Variants in ALX1 observed in about 807,000 individuals in gnomAD.
ALX1 encodes the protein ALX homeobox 1, also known as ALX homeobox protein 1.
ALX1 carries 19 observed loss-of-function variants against 31.7 expected under a neutral mutation model. The observed-to-expected ratio is 0.60, with a 90% CI of 0.42 to 0.88. The LOEUF is 0.88. ALX1 is among the 40% of genes least tolerant of loss of function. The pLI is 0.00. For synonymous variants in ALX1, 153 were observed against 148.8 expected (o/e 1.03, Z -0.20); for missense variants, 415 against 407.8 (o/e 1.02, Z -0.15).
At chr12:85,291,872 C>T (rs1896823277) in intron 3 of ALX1, among the ~76,000 whole-genome samples, 2 of 151,048 alleles carry the variant, frequency 1.3e-5, no homozygotes, top group African/African-American at 4.8e-5. Context: ...TGACTATGAG[C>T]TTTCCAGTCA....
chr12:85,297,487 A>G (rs148637766), intron 3 of ALX1, among the ~76,000 whole-genome samples: 249 of 151,830 alleles, frequency 1.6e-3, no homozygotes, highest in Non-Finnish European at 2.7e-3. Context: ...ATTCTACGTC[A>G]TTATAGGGCA....
chr12:85,286,309 C>A (rs1347262081), intron 2 of ALX1, among the ~76,000 whole-genome samples: 1 of 151,728 alleles, frequency 6.6e-6, no homozygotes, highest in African/African-American at 2.4e-5. Flanking sequence ...CCTGCTGCTG[C>A]CATATATTTA....
chr12:85,292,128 T>C (rs1896825875), intron 3 of ALX1, among the ~76,000 whole-genome samples: 1 of 151,184 alleles, frequency 6.6e-6, no homozygotes, highest in South Asian at 2.1e-4. Context: ...TGTTCTAAAG[T>C]ACCTGCCTCT....
rs749076205 is a variant in ALX1 at position 85,301,193 on chromosome 12, T to C, written c.699T>C (p.Gly233=). The change falls in exon 4 of 4, where the codon GGT becomes GGC. Residue 233 remains glycine (G), a synonymous_variant. Transcript: ENST00000316824. ...NNLWAGNASG[G]SVVTSCMLPR... is the part of the protein sequence containing the mutation. ...TGTGGGCAGGAAATGCAAGTGGTGG[T>C]TCTGTGGTTACTTCATGCATGTTAC... 4 of 1,613,904 alleles carry C rather than the reference T, an allele frequency of 2.5e-6. No homozygotes were observed. The African/African-American group carries it at 4.0e-5, about 16-fold the overall frequency.
chr12:85,295,836 T>G (rs1369682902), intron 3 of ALX1, among the ~76,000 whole-genome samples: 1 of 151,546 alleles, frequency 6.6e-6, no homozygotes, highest in Admixed American at 6.6e-5. Flanking sequence ...ATAAACTTAT[T>G]TTAGTAGAAA....
At chr12:85,295,705 T>C (rs183862102) in intron 3 of ALX1, among the ~76,000 whole-genome samples, 173 of 151,632 alleles carry the variant, frequency 1.1e-3, no homozygotes, top group African/African-American at 3.9e-3. Context: ...ATTGTGTGAG[T>C]GTGCACATGG....
chr12:85,282,884 G>GTT (rs1474039672), intron 1 of ALX1, among the ~76,000 whole-genome samples: 2 of 146,264 alleles, frequency 1.4e-5, no homozygotes, highest in African/African-American at 5.5e-5. Context: ...AAAGAACTGC[G>GTT]TAAGTTTTTA....
In ALX1 at chr12:85,301,190, T is replaced by C; in HGVS notation, c.696T>C (p.Gly232=). 6.2e-7 allele frequency: 1 copy of C among 1,614,060 alleles called. No homozygotes were observed. The highest frequency in any genetic ancestry group is 1.1e-5 in the South Asian group (1 of 91,084). ...ATTTGTGGGCAGGAAATGCAAGTGG[T>C]GGTTCTGTGGTTACTTCATGCATGT... ...QNNLWAGNAS[G]GSVVTSCMLP... The change falls in exon 4 of 4, where the codon GGT becomes GGC. Residue 232 remains glycine (G), a synonymous_variant. Coordinates refer to ENST00000316824, the MANE Select transcript of ALX1 (RefSeq NM_006982.3).
intron 3 of ALX1, among the ~76,000 whole-genome samples, chr12:85,295,921 A>G (rs1896881900): frequency 6.6e-6 from 1 of 151,540 alleles, no homozygotes; most frequent in African/African-American, 2.4e-5. Flanking sequence ...TTTCATGTTT[A>G]GTATTTCTAT....
intron 3 of ALX1, among the ~76,000 whole-genome samples, chr12:85,292,929 C>A (rs1046526499): frequency 6.7e-6 from 1 of 149,688 alleles, no homozygotes; most frequent in Non-Finnish European, 1.5e-5. Flanking sequence ...GTAAACAAAC[C>A]AAAATCTTTT....
chr12:85,283,613 A>C lies in ALX1; in HGVS notation c.268A>C (p.Thr90Pro), dbSNP rs759868076. The change falls in exon 2 of 4, where the codon ACC (threonine) becomes CCC (proline). Residue 90 changes from threonine to proline, a missense_variant. Around this residue, in one of 3 missense-constraint regions of ALX1, gnomAD observed 235 missense variants for 208.9 expected, o/e 1.13. Transcript: ENST00000316824. ...TAAAGTAGAAGGACAGCCCCTTCACACCGAACTGAATAGAGCTATGGACAA... is the reference window on the plus strand; with the variant it reads ...TAAAGTAGAAGGACAGCCCCTTCACCCCGAACTGAATAGAGCTATGGACAA... Reference protein sequence around the residue: ...ITKVEGQPLHTELNRAMDNCN... With the variant: ...ITKVEGQPLHPELNRAMDNCN... 1.2e-6 allele frequency: 2 copies of C among 1,614,134 alleles called. No homozygotes were observed. The highest frequency in any genetic ancestry group is 8.5e-7 in the Non-Finnish European group (1 of 1,180,000).
At chr12:85,289,644 A>G (rs1238866694) in intron 3 of ALX1, among the ~76,000 whole-genome samples, 5 of 151,288 alleles carry the variant, frequency 3.3e-5, no homozygotes, top group African/African-American at 9.7e-5. Context: ...AATTAATACC[A>G]TGAAGTCCAT....
intron 3 of ALX1, among the ~76,000 whole-genome samples, chr12:85,295,805 A>G (rs1266866014): frequency 1.3e-5 from 2 of 151,596 alleles, no homozygotes; most frequent in Admixed American, 6.6e-5. Flanking sequence ...CACTCTATAT[A>G]TAGATGAGAA....
rs937895813 is a variant in ALX1, at chr12:85,301,593, G to C, written c.*118G>C. 9.7e-7 allele frequency: 1 copy of C among 1,035,720 alleles called. No individual in the cohort carries two copies. Among genetic ancestry groups the C allele is most frequent in the East Asian group, 2.6e-5 (1 of 39,184 alleles). 64.2% of individuals were successfully genotyped at this position (1,035,720 alleles called of 1,614,324 possible). A position where few individuals can be genotyped will look rare whatever the true frequency, so the allele number is the denominator to read the frequency against. ...GAATTGCTAAAGGTCAAGATATTCA[G>C]TGAGACCAGCTTAAATGAATAGTTG... is the stretch of plus-strand genomic sequence containing the variant. On this transcript the variant is annotated 3_prime_UTR_variant, in exon 4 of 4. Coordinates refer to ENST00000316824, the MANE Select transcript of ALX1 (RefSeq NM_006982.3).
rs767303774 is a variant in ALX1 at position 85,280,255 on chromosome 12, C to T, written c.-7C>T. The T allele has an allele frequency of 1.2e-6, 2 of 1,612,912 alleles. No individual in the cohort carries two copies. Among genetic ancestry groups the T allele is most frequent in the Non-Finnish European group, 1.7e-6 (2 of 1,179,796 alleles). The stretch of plus-strand genomic sequence containing the variant: ...CCCCAGGAGCTACGCGACAGTCTTC[C>T]AGGATTATGGAGTTTCTGAGCGAGA... On this transcript the variant is annotated 5_prime_UTR_variant, in exon 1 of 4. Coordinates refer to ENST00000316824, the MANE Select transcript of ALX1 (RefSeq NM_006982.3).
chr12:85,283,922 T>C, intron 2 of ALX1, 46 bp downstream of exon 2: 1 of 1,594,900 alleles, frequency 6.3e-7, no homozygotes, highest in Non-Finnish European at 8.6e-7. Context: ...GGAAAATAAA[T>C]GGTGTTAGAA....
intron 3 of ALX1, among the ~76,000 whole-genome samples, chr12:85,295,424 TG>T (rs578159278): frequency 2.4e-3 from 363 of 151,732 alleles, no homozygotes; most frequent in African/African-American, 8.6e-3. Flanking sequence ...CAGAAATCAG[TG>T]TTTTCATTTT....
chr12:85,301,618 GTTAT>G lies in ALX1; in HGVS notation c.*147_*150del, dbSNP rs1481017732. On this transcript the variant is annotated 3_prime_UTR_variant, in exon 4 of 4. Transcript: ENST00000316824. ...GTGAGACCAGCTTAAATGAATAGTTGTTATTTAACATTAAAATCTAAGAATGAAC... is the reference window on the plus strand; with the variant it reads ...GTGAGACCAGCTTAAATGAATAGTTGTTAACATTAAAATCTAAGAATGAAC... The G allele has an allele frequency of 2.6e-5, 22 of 841,206 alleles. No homozygotes were observed. The highest frequency in any genetic ancestry group is 3.7e-5 in the Non-Finnish European group (20 of 541,890). The allele number at this position is 841,206 out of a possible 1,614,324, so 52.1% of individuals were successfully genotyped here. A position where few individuals can be genotyped will look rare whatever the true frequency, so the allele number is the denominator to read the frequency against.
intron 3 of ALX1, among the ~76,000 whole-genome samples, chr12:85,296,146 G>A (rs572711655): frequency 1.8e-4 from 27 of 151,376 alleles, no homozygotes; most frequent in Admixed American, 4.6e-4. Flanking sequence ...ATGTAAACCA[G>A]GGTTAGAACA....
Sources: allele counts gnomAD v4.1 joint callset (sites outside exome capture counted in the v4.1 genomes callset), GRCh38; gene constraint gnomAD v4.1.1; regional missense constraint gnomAD v4.1.1; transcripts MANE v1.5; gene names NCBI Gene and HGNC (gene_info 2026-07-23, HGNC 2026-07-21).